Variants in NUP43 observed in about 807,000 individuals in gnomAD.
The protein encoded by NUP43 is nucleoporin 43.
NUP43 carries 32 observed loss-of-function variants against 47.3 expected under a neutral mutation model. The observed-to-expected ratio is 0.68, with a 90% confidence interval of 0.51 to 0.91. The LOEUF (loss-of-function observed/expected upper bound fraction) is 0.91, where lower values mean the gene tolerates loss of function less well. NUP43 is among the 40% of genes least tolerant of loss of function. The probability of loss-of-function intolerance (pLI) is 0.00; values close to 1 mark genes in which losing one functional copy is unlikely to be tolerated. For synonymous variants in NUP43, 147 were observed against 158.4 expected, an observed-to-expected ratio of 0.93 and a Z score of 0.54; for missense variants, 444 against 453.9, an observed-to-expected ratio of 0.98 and a Z score of 0.20.
chr6:149,743,779 T>A, intron 2 of NUP43, 64 bp from the exon 3 acceptor site: 1 of 982,444 alleles, frequency 1.0e-6, no homozygotes, highest in Non-Finnish European at 1.6e-6. Flanking sequence ...GTCCATTTGT[T>A]TATTTAACTC....
chr6:149,740,287 A>T (rs2115133292), intron 4 of NUP43, among the ~76,000 whole-genome samples: 1 of 150,498 alleles, frequency 6.6e-6, no homozygotes, highest in Non-Finnish European at 1.5e-5. Context: ...AAAAAAAAAA[A>T]AAAAAAAAAA....
upstream of NUP43, among the ~76,000 whole-genome samples, chr6:149,747,418 G>A (rs987713740): frequency 6.6e-6 from 1 of 151,494 alleles, no homozygotes; most frequent in Non-Finnish European, 1.5e-5. Context: ...AGGGTAGCTG[G>A]GACTACAGGT....
chr6:149,746,233 A>G (rs1785988965), intron 1 of NUP43, 143 bp downstream of exon 1: 11 of 1,374,618 alleles, frequency 8.0e-6, no homozygotes, highest in African/African-American at 1.4e-5. Context: ...TGAGCTACGG[A>G]GCAACCGCGC....
intron 4 of NUP43, 21 bp from the exon 5 acceptor site, chr6:149,738,799 AGTAT>A: frequency 6.9e-7 from 1 of 1,451,888 alleles, no homozygotes; most frequent in Non-Finnish European, 9.1e-7. Context: ...AAAAAATGGT[AGTAT>A]GTGTTAATGA....
rs559427132 is a variant in NUP43, at chr6:149,742,575, G to T, written c.322-5C>A. On this transcript the variant is annotated splice_region_variant and splice_polypyrimidine_tract_variant and intron_variant, in intron 3 of 7. Transcript: ENST00000340413. Reference sequence around the variant, plus strand: ...CTGCTGGTTGACTGACAGAGTCTAGGCATCAGAAATGAGGATACTATTAAA... The same window carrying T: ...CTGCTGGTTGACTGACAGAGTCTAGTCATCAGAAATGAGGATACTATTAAA... 2 of 1,611,682 alleles carry T rather than the reference G, an allele frequency of 1.2e-6. No homozygotes were observed. Among genetic ancestry groups the T allele is most frequent in the Middle Eastern group, 1.7e-4 (1 of 6,046 alleles).
chr6:149,747,450 A>AT (rs774011395), upstream of NUP43, among the ~76,000 whole-genome samples: 1,169 of 136,456 alleles, frequency 8.6e-3, 11 homozygotes, highest in African/African-American at 0.022. Flanking sequence ...TGCCTGGCTA[A>AT]TTTTTTTTTT....
chr6:149,743,231 T>C (rs976019342), intron 3 of NUP43, among the ~76,000 whole-genome samples: 8 of 151,714 alleles, frequency 5.3e-5, no homozygotes, highest in African/African-American at 1.9e-4. Context: ...TTAATCTCTA[T>C]AGCTTTTTCT....
Position 149,726,874 on chromosome 6 carries a change from A to C in NUP43, c.*95T>G. ...GTAGTTTACTGATGTTTCCCCTGCA[A>C]ATCTCGTATTTTCTGATACTAAAAT... On this transcript the variant is annotated 3_prime_UTR_variant, in exon 8 of 8. Transcript: ENST00000340413. The C allele has an allele frequency of 2.2e-6, 2 of 911,016 alleles. No individual in the cohort carries two copies. The highest frequency in any genetic ancestry group is 3.4e-6 in the Non-Finnish European group (2 of 580,434). The allele number at this position is 911,016 out of a possible 1,614,324, so 56.4% of individuals were successfully genotyped here. A position where few individuals can be genotyped will look rare whatever the true frequency, so the allele number is the denominator to read the frequency against.
rs1784740532 is a variant in NUP43 at position 149,724,947 on chromosome 6, T to A, written c.*2022A>T. ...TTTGTTGGGAATACCATAGAAGGGA[T>A]GATGAAATTTAGGCTGGAGATGATC... On this transcript the variant is annotated 3_prime_UTR_variant, in exon 8 of 8. Coordinates refer to ENST00000340413, the MANE Select transcript of NUP43 (RefSeq NM_198887.3). 6.6e-6 allele frequency: 1 copy of A among 152,144 alleles called. No individual in the cohort carries two copies. Among genetic ancestry groups the A allele is most frequent in the Non-Finnish European group, 1.5e-5 (1 of 68,032 alleles). The allele number at this position is 152,144 out of a possible 1,614,324, so 9.4% of individuals were successfully genotyped here.
intron 7 of NUP43, chr6:149,727,528 GA>G (rs1333165309): frequency 3.1e-6 from 3 of 982,028 alleles, no homozygotes; most frequent in Non-Finnish European, 3.6e-6. Context: ...AATAAGGAAA[GA>G]AAAAAAAGAA....
chr6:149,726,626 A>G lies in NUP43; in HGVS notation c.*343T>C, dbSNP rs185983718. 126 of 291,104 alleles carry G rather than the reference A, an allele frequency of 4.3e-4. No homozygotes were observed. The highest frequency in any genetic ancestry group is 4.8e-4 in the Non-Finnish European group (73 of 150,582). The allele number at this position is 291,104 out of a possible 1,614,324, so 18.0% of individuals were successfully genotyped here. ...GTAGGAACCCATTGGTAGTTCCCAT[A>G]ACCACCATTGATGTGTTAATTCCCA... On this transcript the variant is annotated 3_prime_UTR_variant, in exon 8 of 8. Transcript: ENST00000340413.
At chr6:149,728,009 A>C (rs1232970001) in intron 7 of NUP43, 1 of 985,302 alleles carries the variant, frequency 1.0e-6, no homozygotes, top group African/African-American at 1.7e-5. Context: ...TAGTACATTT[A>C]AAATCTTGCT....
chr6:149,746,276 GAGA>G, intron 1 of NUP43, 97 bp downstream of exon 1: 1 of 1,526,956 alleles, frequency 6.5e-7, no homozygotes, highest in South Asian at 1.2e-5. Flanking sequence ...CTAAAAGTGC[GAGA>G]AGAACCAGAA....
chr6:149,749,035 C>T (rs1013711689), upstream of NUP43, among the ~76,000 whole-genome samples: 3 of 152,116 alleles, frequency 2.0e-5, no homozygotes, highest in Non-Finnish European at 2.9e-5. Context: ...AACACGTTCA[C>T]CAAAGGACAC....
intron 2 of NUP43, among the ~76,000 whole-genome samples, chr6:149,744,152 T>G (rs368784046): frequency 2.0e-5 from 3 of 152,210 alleles, no homozygotes; most frequent in Admixed American, 6.5e-5. Context: ...AAGTGGAGGT[T>G]GCAGTGAGCC....
chr6:149,742,468 G>A lies in NUP43; in HGVS notation c.424C>T (p.Pro142Ser). ...TCCTCTCCAACTGTAACGATTTCTG[G>A]GTTGTTGCACACAACACCTGTACAT... is the stretch of plus-strand genomic sequence containing the variant. ...APCTGVVCNN[P>S]EIVTVGEDGR... Residue 142 changes from proline (P) to serine (S), a missense_variant, in exon 4 of 8, where the codon CCA (proline) becomes TCA (serine). By Grantham distance (74) the Pro-to-Ser change is moderately conservative. Transcript: ENST00000340413. 6.2e-7 allele frequency: 1 copy of A among 1,614,034 alleles called. No individual in the cohort carries two copies. The highest frequency in any genetic ancestry group is 1.6e-4 in the Middle Eastern group (1 of 6,062).
rs747805658 is a variant in NUP43, at chr6:149,727,196, C to T, written c.916G>A (p.Gly306Arg). 30 of 1,610,302 alleles carry T rather than the reference C, an allele frequency of 1.9e-5. No individual in the cohort carries two copies. Among genetic ancestry groups the T allele is most frequent in the Non-Finnish European group, 2.4e-5 (28 of 1,178,490 alleles). The change falls in exon 8 of 8, where the codon GGA becomes AGA. Residue 306 changes from glycine (G) to arginine (R), a missense_variant and splice_region_variant. Physicochemically the swap from Gly to Arg is moderately radical, Grantham distance 125. Transcript: ENST00000340413. ...TGAGACAAAAAAGTACTGCTTCTTC[C>T]TCCTGGGAGAAAAAAAGAAAAGGAA... ...PEKSSLFHQG[G>R]RSSTFLSHSI... is the part of the protein sequence containing the mutation.
At chr6:149,739,308 G>C (rs1029925275) in intron 4 of NUP43, among the ~76,000 whole-genome samples, 4 of 151,514 alleles carry the variant, frequency 2.6e-5, no homozygotes, top group Admixed American at 1.3e-4. Flanking sequence ...TGTTTTTTGA[G>C]ATGGATCTCG....
chr6:149,748,535 C>A (rs147876719), upstream of NUP43, among the ~76,000 whole-genome samples: 1 of 152,038 alleles, frequency 6.6e-6, no homozygotes, highest in East Asian at 1.9e-4. Flanking sequence ...GGAGGCCGGG[C>A]GCTGTGGCTC....
Sources: gnomAD v4.1 joint callset for allele counts (sites outside exome capture counted in the v4.1 genomes callset) on GRCh38, gnomAD v4.1.1 for gene constraint, MANE v1.5 for transcripts, NCBI Gene and HGNC (gene_info 2026-07-23, HGNC 2026-07-21) for gene names.